Variants in TELO2 observed in about 807,000 individuals in gnomAD.
TELO2 encodes the protein telomere maintenance 2, also known as telomere length regulation protein TEL2 homolog.
In TELO2, 71 loss-of-function variants were observed where a neutral mutation model predicts 91.0. That is an observed-to-expected ratio of 0.78 (90% CI 0.64 to 0.95). The LOEUF (loss-of-function observed/expected upper bound fraction) is 0.95. Among genes scored for constraint, TELO2 ranks in the 40% least tolerant of loss-of-function variants. The pLI is 0.00. For missense variants in TELO2, 1,183 were observed against 1,141.3 expected (o/e 1.04, Z -0.53); for synonymous variants, 584 against 518.9 (o/e 1.13, Z -1.71).
chr16:1,501,749 C>T lies in TELO2; in HGVS notation c.1448C>T (p.Ala483Val), dbSNP rs200124093. The change falls in exon 11 of 21, where the codon GCG becomes GTG. Residue 483 changes from alanine to valine, a missense_variant. Ala to Val is a moderately conservative substitution (Grantham distance 64). Transcript: ENST00000262319. ...GGCGGCGTCCCCCAAGCACAGCTGG[C>T]GGGCTCTGACTCGGACCTGGACAGG... is the stretch of plus-strand genomic sequence containing the variant. ...VDGGVPQAQL[A>V]GSDSDLDSDD... The T allele has an allele frequency of 1.0e-4, 166 of 1,610,418 alleles. No individual in the cohort carries two copies. The highest frequency in any genetic ancestry group is 9.0e-4 in the South Asian group (82 of 91,040).
chr16:1,509,083 C>T (rs2040021006), intron 20 of TELO2, among the ~76,000 whole-genome samples: 1 of 152,152 alleles, frequency 6.6e-6, no homozygotes, highest in Non-Finnish European at 1.5e-5. Context: ...TGGGCGGGCA[C>T]ATTCCCTGCA....
chr16:1,495,578 G>A lies in TELO2; in HGVS notation c.568G>A (p.Glu190Lys), dbSNP rs764124691. ...CCAGAACTACTTCCGCCTGCTCGGC[G>A]AGGAGGTCGTCCGGGTGCTGCAGGC... ...FPQNYFRLLG[E>K]EVVRVLQAVV... The change falls in exon 3 of 21, where the codon GAG becomes AAG. Residue 190 changes from glutamate (E) to lysine (K), a missense_variant. Glu to Lys is a moderately conservative substitution (Grantham distance 56). Coordinates refer to ENST00000262319, the MANE Select transcript of TELO2 (RefSeq NM_016111.4). 3 of 1,609,312 alleles carry A rather than the reference G, an allele frequency of 1.9e-6. No individual in the cohort carries two copies. Among genetic ancestry groups the A allele is most frequent in the African/African-American group, 1.3e-5 (1 of 74,888 alleles).
rs985542325 is a variant in TELO2, at chr16:1,499,219, T to G, written c.831-12T>G. 6.2e-6 allele frequency: 10 copies of G among 1,613,674 alleles called. No individual in the cohort carries two copies. The highest frequency in any genetic ancestry group is 2.7e-5 in the African/African-American group (2 of 74,924). ...CCGGCTTGCAGCTCTGGCCCCTGAC[T>G]CTGTCTTGCAGGCCTGAGGTCCTTT... On this transcript the variant is annotated splice_polypyrimidine_tract_variant and intron_variant, in intron 5 of 20. Coordinates refer to ENST00000262319, the MANE Select transcript of TELO2 (RefSeq NM_016111.4).
chr16:1,509,912 G>C lies in TELO2; in HGVS notation c.2490G>C (p.Arg830Ser), dbSNP rs368930181. 6 of 1,606,948 alleles carry C rather than the reference G, an allele frequency of 3.7e-6. No homozygotes were observed. The highest frequency in any genetic ancestry group is 4.2e-6 in the Non-Finnish European group (5 of 1,177,314). ...ALLLLQRLKN[R>S]LLPPASP ...TGCTTCTGCAGAGACTCAAGAACAG[G>C]CTCCTCCCACCCGCGTCTCCCTAGT... Residue 830 changes from arginine (R) to serine (S), a missense_variant, in exon 21 of 21, where the codon AGG becomes AGC. Physicochemically the swap from Arg to Ser is moderately radical, Grantham distance 110. Coordinates refer to ENST00000262319, the MANE Select transcript of TELO2 (RefSeq NM_016111.4).
In TELO2 at chr16:1,501,792, C is replaced by G; in HGVS notation, c.1472+19C>G. 1.2e-6 allele frequency: 2 copies of G among 1,600,754 alleles called. No homozygotes were observed. The highest frequency in any genetic ancestry group is 1.7e-6 in the Non-Finnish European group (2 of 1,176,786). The stretch of plus-strand genomic sequence containing the variant: ...TGGACAGGTAGGGGCTCTGCCACCC[C>G]AGTGGGCAGCGTGCAGGAGGCCGGG... On this transcript the variant is annotated intron_variant, in intron 11 of 20. Transcript: ENST00000262319.
intron 18 of TELO2, 73 bp downstream of exon 18, chr16:1,507,124 C>T (rs145289026): frequency 2.6e-5 from 39 of 1,518,582 alleles, no homozygotes; most frequent in African/African-American, 2.5e-4. Context: ...GCCTCACCTG[C>T]GCCCAGGGAT....
chr16:1,502,927 TC>T lies in TELO2; in HGVS notation c.1771-3del. ...CCACAGCAGCCTCTCCCCTGTGTCC[TC>T]AGGTGGCCGACTATCTGACCTCACA... On this transcript the variant is annotated splice_region_variant and splice_polypyrimidine_tract_variant and intron_variant, in intron 14 of 20. Coordinates refer to ENST00000262319, the MANE Select transcript of TELO2 (RefSeq NM_016111.4). The T allele has an allele frequency of 6.2e-7, 1 of 1,610,798 alleles. No homozygotes were observed.
In TELO2 at chr16:1,495,394, G is replaced by A; in HGVS notation, c.384G>A (p.Leu128=). 6.3e-7 allele frequency: 1 copy of A among 1,576,550 alleles called. No individual in the cohort carries two copies. Residue 128 remains leucine (L), a synonymous_variant, in exon 3 of 21, where the codon CTG becomes CTA. Transcript: ENST00000262319. ...MKMARLLARF[L]REGRLAVLME... The stretch of plus-strand genomic sequence containing the variant: ...TGGCGCGGCTGCTGGCCAGATTCCT[G>A]CGCGAGGGCCGGCTGGCAGTGCTGA...
intron 3 of TELO2, 119 bp downstream of exon 3, chr16:1,495,742 G>T: frequency 6.5e-6 from 9 of 1,391,282 alleles, no homozygotes; most frequent in Non-Finnish European, 8.6e-6. Context: ...ATGCCGTCAG[G>T]CAGGTGGGGA....
Position 1,505,763 on chromosome 16 carries a change from C to T in TELO2, c.2034+162C>T, listed in dbSNP as rs1479899856. On this transcript the variant is annotated intron_variant, in intron 16 of 20. Transcript: ENST00000262319. This position sits in a 1 kb window ranked among gnomAD's most constrained non-coding sequence, Gnocchi z 4.3. ...GAAAGGCAGGGTCCATGGTTTGCAC[C>T]GAGGAACTGGATTTTGGCTGTAGGA... is the stretch of plus-strand genomic sequence containing the variant. 6.6e-6 allele frequency among the ~76,000 whole-genome samples: 1 copy of T among 152,152 alleles called. No individual in the cohort carries two copies. The highest frequency in any genetic ancestry group is 6.5e-5 in the Admixed American group (1 of 15,278).
In TELO2 at chr16:1,500,698, A is replaced by G. The variant is rs769020185; in HGVS notation, c.1280A>G (p.Gln427Arg). 1.2e-6 allele frequency: 2 copies of G among 1,612,142 alleles called. No homozygotes were observed. The highest frequency in any genetic ancestry group is 1.7e-6 in the Non-Finnish European group (2 of 1,179,760). Residue 427 changes from glutamine to arginine, a missense_variant and splice_region_variant, in exon 9 of 21, where the codon CAG becomes CGG. Coordinates refer to ENST00000262319, the MANE Select transcript of TELO2 (RefSeq NM_016111.4). ...IHPEGPPLKF[Q>R]YEEDELSLEL... The stretch of plus-strand genomic sequence containing the variant: ...CCCGAGGGGCCTCCCCTGAAATTCC[A>G]GGTGAGCGGGCCGTCCCCTCCGCGT...
chr16:1,494,484 G>T lies in TELO2; in HGVS notation c.203G>T (p.Ser68Ile). 1 of 1,613,312 alleles carries T rather than the reference G, an allele frequency of 6.2e-7. No individual in the cohort carries two copies. Among genetic ancestry groups the T allele is most frequent in the Non-Finnish European group, 8.5e-7 (1 of 1,179,956 alleles). ...HFSPVLRCLA[S>I]RLSPAWLELL... is the part of the protein sequence containing the mutation. ...TCGCCTGTCCTCAGATGTCTTGCCAGCAGGCTGAGCCCAGCCTGGCTGGAG... is the reference window on the plus strand; with the variant it reads ...TCGCCTGTCCTCAGATGTCTTGCCATCAGGCTGAGCCCAGCCTGGCTGGAG... Residue 68 changes from serine (S) to isoleucine (I), a missense_variant, in exon 2 of 21, where the codon AGC becomes ATC. Ser to Ile is a moderately radical substitution (Grantham distance 142). Coordinates refer to ENST00000262319, the MANE Select transcript of TELO2 (RefSeq NM_016111.4). The surrounding 1 kb of genome is among the most constrained non-coding windows in gnomAD (Gnocchi z 5.6).
chr16:1,505,268 C>G lies in TELO2; in HGVS notation c.1843-142C>G. The G allele has an allele frequency of 9.7e-7, 1 of 1,025,788 alleles. No individual in the cohort carries two copies. Among genetic ancestry groups the G allele is most frequent in the Non-Finnish European group, 1.4e-6 (1 of 723,460 alleles). The allele number at this position is 1,025,788 out of a possible 1,614,324, so 63.5% of individuals were successfully genotyped here. On this transcript the variant is annotated intron_variant, in intron 15 of 20. Transcript: ENST00000262319. The surrounding 1 kb of genome is among the most constrained non-coding windows in gnomAD (Gnocchi z 4.3). ...GTTGCTGTGAGCTACGGGGAAGTGA[C>G]TTTTCTCCTTGTTCCCAGAACACAC...
intron 2 of TELO2, among the ~76,000 whole-genome samples, chr16:1,495,022 G>C (rs1202119071): frequency 6.6e-6 from 1 of 152,222 alleles, no homozygotes; most frequent in African/African-American, 2.4e-5. Flanking sequence ...TCCTTGCCGG[G>C]ACACTGCATC....
In TELO2 at chr16:1,506,240, T is replaced by A; in HGVS notation, c.2037T>A (p.Gly679=). 6.2e-7 allele frequency: 1 copy of A among 1,613,492 alleles called. No homozygotes were observed. The highest frequency in any genetic ancestry group is 1.1e-5 in the South Asian group (1 of 91,080). ...ATCGCTGTAGTTGTGTCTGGCAGGG[T>A]GGCCCGAGGCAGGGCCCGGCAGGCA... ...IRSKTQRLSK[G]GPRQGPAGSP... Residue 679 remains glycine, a splice_region_variant and synonymous_variant, in exon 17 of 21, where the codon GGT becomes GGA. Transcript: ENST00000262319.
Position 1,494,562 on chromosome 16 carries a change from G to T in TELO2, c.281G>T (p.Gly94Val). The T allele has an allele frequency of 6.2e-7, 1 of 1,613,516 alleles. No individual in the cohort carries two copies. The highest frequency in any genetic ancestry group is 1.1e-5 in the South Asian group (1 of 91,066). The stretch of plus-strand genomic sequence containing the variant: ...CTGTGGGCCAGCTTCTTCCTGGAGG[G>T]CCCGGCGGACCAAGCCTTCCTGGTG... ...EELWASFFLE[G>V]PADQAFLVLM... Residue 94 changes from glycine to valine, a missense_variant, in exon 2 of 21, where the codon GGC becomes GTC. Coordinates refer to ENST00000262319, the MANE Select transcript of TELO2 (RefSeq NM_016111.4). This position sits in a 1 kb window ranked among gnomAD's most constrained non-coding sequence, Gnocchi z 5.6.
At chr16:1,504,953 G>C (rs1414051166) in intron 15 of TELO2, among the ~76,000 whole-genome samples, 1 of 152,126 alleles carries the variant, frequency 6.6e-6, no homozygotes, top group East Asian at 1.9e-4. Flanking sequence ...GACCCTCCCA[G>C]CCTGGGAGCC....
At chr16:1,506,566 G>A in intron 17 of TELO2, 2 of 1,415,908 alleles carry the variant, frequency 1.4e-6, no homozygotes, top group East Asian at 2.6e-5. Context: ...TTGTGGCATG[G>A]CCGGCAGTGC....
Position 1,502,771 on chromosome 16 carries a change from C to G in TELO2, c.1770+10C>G. On this transcript the variant is annotated intron_variant, in intron 14 of 20. Coordinates refer to ENST00000262319, the MANE Select transcript of TELO2 (RefSeq NM_016111.4). ...CACAGACCCGGCCCCGGTGAGTTCC[C>G]GCACCCGTGGCCCTGGCCAGTGCAG... 6.2e-7 allele frequency: 1 copy of G among 1,610,514 alleles called. No homozygotes were observed. The highest frequency in any genetic ancestry group is 8.5e-7 in the Non-Finnish European group (1 of 1,179,534).
Sources: allele counts gnomAD v4.1 joint callset (sites outside exome capture counted in the v4.1 genomes callset), GRCh38; gene constraint gnomAD v4.1.1; non-coding constraint Gnocchi (gnomAD v3.1); transcripts MANE v1.5; gene names NCBI Gene and HGNC (gene_info 2026-07-23, HGNC 2026-07-21).